Variants in PLIN5 observed in about 807,000 individuals in gnomAD.
PLIN5 encodes perilipin 5.
In PLIN5, 34 loss-of-function variants were observed where a neutral mutation model predicts 32.8. The observed-to-expected ratio is 1.04, with a 90% CI of 0.79 to 1.38. The LOEUF is 1.38. Ranked by LOEUF, PLIN5 falls within the 40% of genes most tolerant of loss-of-function variation. The probability of loss-of-function intolerance (pLI) is 0.00; values close to 1 mark genes in which losing one functional copy is unlikely to be tolerated. For synonymous variants in PLIN5, 309 were observed against 292.9 expected, an observed-to-expected ratio of 1.05 and a Z score of -0.56; for missense variants, 712 against 660.5, an observed-to-expected ratio of 1.08 and a Z score of -0.85.
chr19:4,529,942 G>T, intron 3 of PLIN5, 76 bp from the exon 4 acceptor site: 2 of 901,002 alleles, frequency 2.2e-6, no homozygotes, highest in Admixed American at 2.3e-5. Context: ...GTTGTAGAAG[G>T]AGGGAATGCT....
chr19:4,524,868 C>T (rs1340701982), intron 7 of PLIN5, 95 bp downstream of exon 7: 22 of 1,072,488 alleles, frequency 2.1e-5, no homozygotes, highest in Middle Eastern at 3.1e-4. Context: ...GTTGGGTCCC[C>T]GGCAGTACTG....
intron 4 of PLIN5, 162 bp from the exon 5 acceptor site, chr19:4,529,415 G>C (rs774462099): frequency 1.4e-6 from 1 of 721,594 alleles, no homozygotes; most frequent in Non-Finnish European, 2.2e-6. Context: ...CCCTCACAGA[G>C]GGTGTTGAGG....
At chr19:4,533,911 G>T in intron 2 of PLIN5, 104 bp downstream of exon 2, 2 of 1,319,404 alleles carry the variant, frequency 1.5e-6, no homozygotes, top group South Asian at 1.3e-5. Context: ...GGTTTTCCCA[G>T]CAAGGAGAGG....
intron 1 of PLIN5, among the ~76,000 whole-genome samples, chr19:4,534,517 C>G (rs1247446740): frequency 1.3e-5 from 2 of 152,172 alleles, no homozygotes; most frequent in African/African-American, 4.8e-5. Flanking sequence ...GGATTACCCA[C>G]GTGCCACCAT....
chr19:4,531,729 G>T lies in PLIN5; in HGVS notation c.154C>A (p.Leu52Met), dbSNP rs572682599. Residue 52 changes from leucine to methionine, a missense_variant, in exon 3 of 8, where the codon CTG (leucine) becomes ATG (methionine). By Grantham distance (15) the Leu-to-Met change is conservative. Transcript: ENST00000381848. ...GCCAGGCGGCAGGCGGAGCCCAGCA[G>T]CGGGTGCCTGTCCTTGGCTGCACTG... is the stretch of plus-strand genomic sequence containing the variant. ...VYSAAKDRHPLLGSACRLAEN... is the reference protein window; with the variant it reads ...VYSAAKDRHPMLGSACRLAEN... 79 of 1,595,474 alleles carry T rather than the reference G, an allele frequency of 5.0e-5. No individual in the cohort carries two copies. Among genetic ancestry groups the T allele is most frequent in the Non-Finnish European group, 6.7e-5 (79 of 1,174,198 alleles).
In PLIN5 at chr19:4,529,173, G is replaced by C; in HGVS notation, c.420C>G (p.Ser140Arg). ...GGCTCACGGAGCGCTTCAGCTCCAC[G>C]CTCCAGCGCCGGCCCCTCCGGGCCA... ...VDLARRGRRW[S>R]VELKRSVSHA... The change falls in exon 5 of 8, where the codon AGC becomes AGG. Residue 140 changes from serine to arginine, a missense_variant. Physicochemically the swap from Ser to Arg is moderately radical, Grantham distance 110. Transcript: ENST00000381848. The C allele has an allele frequency of 2.5e-6, 4 of 1,613,126 alleles. No individual in the cohort carries two copies. Among genetic ancestry groups the C allele is most frequent in the Non-Finnish European group, 3.4e-6 (4 of 1,179,908 alleles).
At chr19:4,529,754 G>A (rs1976860185) in intron 4 of PLIN5, 30 bp downstream of exon 4, 1 of 1,593,812 alleles carries the variant, frequency 6.3e-7, no homozygotes, top group Non-Finnish European at 8.6e-7. Context: ...GCCCCCACTG[G>A]AGGTCCCCAT....
rs777067019 is a variant in PLIN5, at chr19:4,524,043, C to G, written c.877G>C (p.Glu293Gln). The stretch of plus-strand genomic sequence containing the variant: ...AGAGCCTCTACCGTGCCCTGCAGCT[C>G]CTGGGTCAGGCTGCGGGACAGCACC... ...TLVLSRSLTQ[E>Q]LQGTVEALES... The change falls in exon 8 of 8, where the codon GAG becomes CAG. Residue 293 changes from glutamate to glutamine, a missense_variant. Glu to Gln is a conservative substitution (Grantham distance 29, BLOSUM62 2). Coordinates refer to ENST00000381848, the MANE Select transcript of PLIN5 (RefSeq NM_001013706.3). 2.0e-6 allele frequency: 3 copies of G among 1,478,286 alleles called. No individual in the cohort carries two copies. The South Asian group carries it at 4.0e-5, about 20-fold the overall frequency. 91.6% of individuals were successfully genotyped at this position (1,478,286 alleles called of 1,614,324 possible).
rs993577992 is a variant in PLIN5, at chr19:4,531,610, C to T, written c.256+17G>A. The T allele has an allele frequency of 2.2e-5, 32 of 1,486,068 alleles. No individual in the cohort carries two copies. Among genetic ancestry groups the T allele is most frequent in the South Asian group, 6.6e-5 (5 of 76,120 alleles). 92.1% of individuals were successfully genotyped at this position (1,486,068 alleles called of 1,614,324 possible). A position where few individuals can be genotyped will look rare whatever the true frequency, so the allele number is the denominator to read the frequency against. ...TGGCAAGCCACAGCTCCCAGGGACACGGGCCAGGGCACTCACGCTGGGGCT... is the reference window on the plus strand; with the variant it reads ...TGGCAAGCCACAGCTCCCAGGGACATGGGCCAGGGCACTCACGCTGGGGCT... On this transcript the variant is annotated intron_variant, in intron 3 of 7. Transcript: ENST00000381848.
Position 4,525,960 on chromosome 19 carries a change from ACAGCATGGGGT to A in PLIN5, c.521-139_521-129del, listed in dbSNP as rs1373896958. On this transcript the variant is annotated intron_variant, in intron 5 of 7. Coordinates refer to ENST00000381848, the MANE Select transcript of PLIN5 (RefSeq NM_001013706.3). The surrounding 1 kb of genome is among the most constrained non-coding windows in gnomAD (Gnocchi z 5.6). ...GACAGGATACGGGGACAGCACGGGG[ACAGCATGGGGT>A]CAGCACAGCCACCCACCCCCTCCAC... 4 of 866,280 alleles carry A rather than the reference ACAGCATGGGGT, an allele frequency of 4.6e-6. No individual in the cohort carries two copies. The Admixed American group carries it at 7.0e-5, about 15-fold the overall frequency. 53.7% of individuals were successfully genotyped at this position (866,280 alleles called of 1,614,324 possible). A position where few individuals can be genotyped will look rare whatever the true frequency, so the allele number is the denominator to read the frequency against.
At chr19:4,530,448 G>A (rs556609054) in intron 3 of PLIN5, among the ~76,000 whole-genome samples, 4 of 152,284 alleles carry the variant, frequency 2.6e-5, no homozygotes, top group East Asian at 1.9e-4. Context: ...GTAGTCCCCC[G>A]CCTGTCATCG....
At chr19:4,531,417 A>G (rs897869195) in intron 3 of PLIN5, among the ~76,000 whole-genome samples, 6 of 152,202 alleles carry the variant, frequency 3.9e-5, no homozygotes, top group Non-Finnish European at 8.8e-5. Context: ...TGCTGGGATC[A>G]TAGGCATGAG....
rs1976919697 is a variant in PLIN5 at position 4,534,088 on chromosome 19, G to C, written c.-14C>G. On this transcript the variant is annotated 5_prime_UTR_variant, in exon 2 of 8. Coordinates refer to ENST00000381848, the MANE Select transcript of PLIN5 (RefSeq NM_001013706.3). ...TTCTTCAGACATCGTGCTGCAAACA[G>C]GGTCACCCTGCGGGGCAGGATTGAG... 6.2e-7 allele frequency: 1 copy of C among 1,610,212 alleles called. No homozygotes were observed. Among genetic ancestry groups the C allele is most frequent in the East Asian group, 2.2e-5 (1 of 44,698 alleles).
At position 4,534,016 on chromosome 19, in the gene PLIN5, T is replaced by C. The variant is rs1976918320; in HGVS notation, c.59A>G (p.Gln20Arg). 6.2e-7 allele frequency: 1 copy of C among 1,612,472 alleles called. No individual in the cohort carries two copies. Residue 20 changes from glutamine (Q) to arginine (R), a missense_variant and splice_region_variant, in exon 2 of 8, where the codon CAG (glutamine) becomes CGG (arginine). Coordinates refer to ENST00000381848, the MANE Select transcript of PLIN5 (RefSeq NM_001013706.3). ...PRSSVWEQDQ[Q>R]NVVQRVVALP... ...CTCCATGGGAGGGGCAGCCCTCACC[T>C]GCTGGTCCTGCTCCCACACACTGGA...
At chr19:4,530,236 T>C (rs913174685) in intron 3 of PLIN5, among the ~76,000 whole-genome samples, 3 of 152,112 alleles carry the variant, frequency 2.0e-5, no homozygotes, top group African/African-American at 7.2e-5. Context: ...GGTTGGGCAC[T>C]GCCTCCTCTG....
At position 4,533,949 on chromosome 19, in the gene PLIN5, G is replaced by A. The variant is rs540248950; in HGVS notation, c.60+66C>T. ...TGGGGCGGGATACCTGGCCTGAAAC[G>A]CTCCTAGAAGGGACTGTCCCACACA... On this transcript the variant is annotated intron_variant, in intron 2 of 7. Coordinates refer to ENST00000381848, the MANE Select transcript of PLIN5 (RefSeq NM_001013706.3). 1.5e-4 allele frequency: 228 copies of A among 1,540,336 alleles called. 5 individuals are homozygous for A. In the South Asian group the frequency reaches 2.0e-3, roughly 14 times the overall value.
In PLIN5 at chr19:4,529,883, G is replaced by T; in HGVS notation, c.257-17C>A. 6.4e-7 allele frequency: 1 copy of T among 1,569,180 alleles called. No individual in the cohort carries two copies. Among genetic ancestry groups the T allele is most frequent in the Non-Finnish European group, 8.7e-7 (1 of 1,147,088 alleles). ...TAGTGGCCACTGAAGGGAGAGAGGCGGGGAGTGAGACTCGGGGAGACGCAG... is the reference window on the plus strand; with the variant it reads ...TAGTGGCCACTGAAGGGAGAGAGGCTGGGAGTGAGACTCGGGGAGACGCAG... On this transcript the variant is annotated splice_polypyrimidine_tract_variant and intron_variant, in intron 3 of 7. Transcript: ENST00000381848.
intron 2 of PLIN5, chr19:4,533,457 G>A (rs1599765823): frequency 6.2e-6 from 1 of 160,732 alleles, no homozygotes; most frequent in East Asian, 1.8e-4. Context: ...CTGCTCGAGG[G>A]AGGAGATGTT....
chr19:4,523,382 C>T lies in PLIN5; in HGVS notation c.*146G>A. On this transcript the variant is annotated 3_prime_UTR_variant, in exon 8 of 8. Coordinates refer to ENST00000381848, the MANE Select transcript of PLIN5 (RefSeq NM_001013706.3). This position sits in a 1 kb window ranked among gnomAD's most constrained non-coding sequence, Gnocchi z 5.0. Reference sequence around the variant, plus strand: ...AGGAAAAAATGGGAGAGTCCAATACCAAAAAGGTGGTCAGAGATCCGGAGT... The same window carrying T: ...AGGAAAAAATGGGAGAGTCCAATACTAAAAAGGTGGTCAGAGATCCGGAGT... 1 of 949,596 alleles carries T rather than the reference C, an allele frequency of 1.1e-6. No individual in the cohort carries two copies. The highest frequency in any genetic ancestry group is 1.5e-6 in the Non-Finnish European group (1 of 670,890). 58.8% of individuals were successfully genotyped at this position (949,596 alleles called of 1,614,324 possible).
Sources: allele counts gnomAD v4.1 joint callset (sites outside exome capture counted in the v4.1 genomes callset), GRCh38; gene constraint gnomAD v4.1.1; non-coding constraint Gnocchi (gnomAD v3.1); transcripts MANE v1.5; gene names NCBI Gene and HGNC (gene_info 2026-07-23, HGNC 2026-07-21).